Variants in L3MBTL4 observed in about 807,000 individuals in gnomAD.
L3MBTL4 encodes lethal(3)malignant brain tumor-like protein 4.
A neutral mutation model predicts 84.5 loss-of-function variants in L3MBTL4; 70 were observed. The observed-to-expected ratio is 0.83, with a 90% confidence interval of 0.68 to 1.01. The LOEUF (loss-of-function observed/expected upper bound fraction) is 1.01. L3MBTL4 is among the 50% of genes least tolerant of loss of function. The probability of loss-of-function intolerance (pLI) is 0.00; values close to 1 mark genes in which losing one functional copy is unlikely to be tolerated. For synonymous variants in L3MBTL4, 274 were observed against 259.8 expected (o/e 1.05, Z -0.52); for missense variants, 715 against 754.8 (o/e 0.95, Z 0.62).
intron 14 of L3MBTL4, among the ~76,000 whole-genome samples, chr18:6,111,325 G>C (rs547050169): frequency 6.6e-6 from 1 of 152,288 alleles, no homozygotes; most frequent in East Asian, 1.9e-4. Context: ...CACTTTAAAT[G>C]AGTGAACTGC....
intron 16 of L3MBTL4, among the ~76,000 whole-genome samples, chr18:5,987,639 C>T (rs2053523197): frequency 6.6e-6 from 1 of 152,182 alleles, no homozygotes; most frequent in Non-Finnish European, 1.5e-5. Context: ...ATATCTTTCT[C>T]AATGTCTCCC....
intron 14 of L3MBTL4, among the ~76,000 whole-genome samples, chr18:6,118,298 C>T (rs2059421565): frequency 6.6e-6 from 1 of 151,840 alleles, no homozygotes; most frequent in Non-Finnish European, 1.5e-5. Context: ...GTTTGGTTAA[C>T]TCTTACTCAT....
chr18:6,202,653 G>A (rs1599131452), intron 12 of L3MBTL4, among the ~76,000 whole-genome samples: 1 of 152,026 alleles, frequency 6.6e-6, no homozygotes, highest in African/African-American at 2.4e-5. Flanking sequence ...CATTGACTAC[G>A]GCGGTTGACC....
At chr18:6,312,974 C>T (rs940306276) in intron 1 of L3MBTL4, among the ~76,000 whole-genome samples, 1 of 152,162 alleles carries the variant, frequency 6.6e-6, no homozygotes, top group African/African-American at 2.4e-5. Context: ...AATTTGAACT[C>T]GTCCTTTCTG....
chr18:6,409,306 A>T (rs1037051617), intron 1 of L3MBTL4, among the ~76,000 whole-genome samples: 1 of 152,238 alleles, frequency 6.6e-6, no homozygotes, highest in East Asian at 1.9e-4. Context: ...TCATAACAAT[A>T]ATAAGGACCA....
rs146653918 is a variant in L3MBTL4, at chr18:5,967,711, G to A, written c.1614+1682C>T. Among the ~76,000 whole-genome samples, 302 of 152,324 alleles carry A rather than the reference G, an allele frequency of 2.0e-3. 2 individuals carry two copies. Among genetic ancestry groups the A allele is most frequent in the African/African-American group, 6.7e-3 (280 of 41,584 alleles). On this transcript the variant is annotated intron_variant, in intron 17 of 18. Transcript: ENST00000317931. ...GACCTCTGGCTCAGACCGAGGATCC[G>A]CAAGAGTTGGAAGTGAGCATGGAGC... is the stretch of plus-strand genomic sequence containing the variant.
intron 3 of L3MBTL4, among the ~76,000 whole-genome samples, chr18:6,309,555 C>G (rs2050736899): frequency 6.6e-6 from 1 of 152,192 alleles, no homozygotes; most frequent in East Asian, 1.9e-4. Flanking sequence ...GAAAATCTAG[C>G]TATGCAAGCC....
intron 1 of L3MBTL4, among the ~76,000 whole-genome samples, chr18:6,408,406 G>A (rs757922247): frequency 1.1e-4 from 16 of 152,224 alleles, no homozygotes; most frequent in Non-Finnish European, 1.8e-4. Context: ...ACCAAAAACT[G>A]CATCTGGTCA....
chr18:5,956,494 C>T (rs2095227750), intron 18 of L3MBTL4, 107 bp from the exon 19 acceptor site: 1 of 914,482 alleles, frequency 1.1e-6, no homozygotes. Flanking sequence ...GTCATAGCCT[C>T]CGTGTTGAGC....
At chr18:6,377,166 C>T (rs1023745311) in intron 1 of L3MBTL4, among the ~76,000 whole-genome samples, 10 of 152,086 alleles carry the variant, frequency 6.6e-5, no homozygotes, top group African/African-American at 2.4e-4. Context: ...TGTTTATTTG[C>T]TTGGTTACAA....
rs747314440 is a variant in L3MBTL4 at position 5,963,837 on chromosome 18, GA to G, written c.1615-3682del. ...TCTCATTCTCCCTTTAAAAGAGAGA[GA>G]TTTTTTTTCTTCAAGTTTGTGGTAA... On this transcript the variant is annotated intron_variant, in intron 17 of 18. Coordinates refer to ENST00000317931, the MANE Select transcript of L3MBTL4 (RefSeq NM_001330559.2). 7.3e-4 allele frequency among the ~76,000 whole-genome samples: 111 copies of G among 152,358 alleles called. 1 individual carries two copies. Among genetic ancestry groups the G allele is most frequent in the Middle Eastern group, 3.4e-3 (1 of 294 alleles).
chr18:6,271,690 A>T (rs1412310270), intron 4 of L3MBTL4, among the ~76,000 whole-genome samples: 2 of 152,220 alleles, frequency 1.3e-5, no homozygotes, highest in East Asian at 3.9e-4. Context: ...ACACCGAGGA[A>T]GAAGAGCCGA....
intron 16 of L3MBTL4, among the ~76,000 whole-genome samples, chr18:5,979,974 G>A (rs944792375): frequency 1.2e-4 from 19 of 152,140 alleles, no homozygotes; most frequent in African/African-American, 4.1e-4. Flanking sequence ...GGCACACGTC[G>A]CCTCCAGGGG....
intron 13 of L3MBTL4, among the ~76,000 whole-genome samples, chr18:6,164,167 A>G (rs2043516995): frequency 6.6e-6 from 1 of 152,200 alleles, no homozygotes; most frequent in African/African-American, 2.4e-5. Context: ...TTGAGTAGGT[A>G]AACAAAGAGG....
At position 6,175,459 on chromosome 18, in the gene L3MBTL4, T is replaced by C. The variant is rs563602259; in HGVS notation, c.982-3517A>G. Among the ~76,000 whole-genome samples, 3 of 152,290 alleles carry C rather than the reference T, an allele frequency of 2.0e-5. No homozygotes were observed. In the South Asian group the frequency reaches 6.2e-4, roughly 32 times the overall value. On this transcript the variant is annotated intron_variant, in intron 12 of 18. Coordinates refer to ENST00000317931, the MANE Select transcript of L3MBTL4 (RefSeq NM_001330559.2). ...GGGAGTATTTCAGGCTGATGCTAAG[T>C]GATGCCAGATGAAAACTACGATCTA...
chr18:5,958,031 G>GGAGGAGGAGGAGAAGGAGAAA lies in L3MBTL4; in HGVS notation c.1678-1645_1678-1644insTTTCTCCTTCTCCTCCTCCTC, dbSNP rs776745452. Among the ~76,000 whole-genome samples the GGAGGAGGAGGAGAAGGAGAAA allele has an allele frequency of 1.9e-4, 10 of 51,952 alleles. No homozygotes were observed. In the East Asian group the frequency reaches 6.9e-3, roughly 36 times the overall value. 34.1% of individuals were successfully genotyped at this position (51,952 alleles called of 152,430 possible). ...AGGAGGAGGAGGAGAAGGAGAAAGA[G>GGAGGAGGAGGAGAAGGAGAAA]GAGGAGGAGGAGGAGAAGGAGAAGG... On this transcript the variant is annotated intron_variant, in intron 18 of 18. Coordinates refer to ENST00000317931, the MANE Select transcript of L3MBTL4 (RefSeq NM_001330559.2).
At chr18:6,344,752 T>C (rs1412584218) in intron 1 of L3MBTL4, among the ~76,000 whole-genome samples, 3 of 152,130 alleles carry the variant, frequency 2.0e-5, no homozygotes, top group African/African-American at 7.2e-5. Flanking sequence ...AAATGTCATA[T>C]GCTACATTAA....
At chr18:6,125,330 A>G (rs2059657601) in intron 14 of L3MBTL4, among the ~76,000 whole-genome samples, 1 of 152,194 alleles carries the variant, frequency 6.6e-6, no homozygotes. Context: ...TTTAACAATA[A>G]CTGCAAATAG....
chr18:6,233,209 T>A lies in L3MBTL4; in HGVS notation c.784+4755A>T, dbSNP rs529494581. On this transcript the variant is annotated intron_variant, in intron 10 of 18. Transcript: ENST00000317931. ...CTATTTATAACAAACCCACAGCCAATATCATACTGAATGGGCAAAAACTGG... is the reference window on the plus strand; with the variant it reads ...CTATTTATAACAAACCCACAGCCAAAATCATACTGAATGGGCAAAAACTGG... Among the ~76,000 whole-genome samples, 7 of 151,550 alleles carry A rather than the reference T, an allele frequency of 4.6e-5. No homozygotes were observed. In the South Asian group the frequency reaches 1.5e-3, roughly 31 times the overall value.
Sources: allele counts gnomAD v4.1 joint callset (sites outside exome capture counted in the v4.1 genomes callset), GRCh38; gene constraint gnomAD v4.1.1; transcripts MANE v1.5; gene names NCBI Gene and HGNC (gene_info 2026-07-23, HGNC 2026-07-21).